The following ZCWPW2 variants were observed in gnomAD, a reference collection of about 807,000 sequenced individuals.
ZCWPW2 encodes the protein zinc finger CW-type PWWP domain protein 2.
A neutral mutation model predicts 46.6 loss-of-function variants in ZCWPW2; 45 were observed. That is an observed-to-expected ratio of 0.96 (90% confidence interval 0.76 to 1.24). ZCWPW2 has a LOEUF of 1.24. ZCWPW2 is among the 50% of genes most tolerant of loss of function. ZCWPW2 has a pLI of 0.00. For synonymous variants in ZCWPW2, 152 were observed against 137.1 expected (o/e 1.11, Z -0.76); for missense variants, 429 against 403.9 (o/e 1.06, Z -0.53).
chr3:28,508,808 G>A (rs376068981), intron 6 of ZCWPW2, among the ~76,000 whole-genome samples: 12 of 152,156 alleles, frequency 7.9e-5, no homozygotes, highest in South Asian at 2.1e-4. Context: ...GATTACAGGC[G>A]TGAGCCACTA....
At chr3:28,506,253 G>A (rs1382496300) in intron 6 of ZCWPW2, among the ~76,000 whole-genome samples, 2 of 151,820 alleles carry the variant, frequency 1.3e-5, no homozygotes, top group East Asian at 1.9e-4. Context: ...GTGTGGATAG[G>A]TGGAAAGCAT....
At chr3:28,480,975 C>T (rs1699409341) in intron 5 of ZCWPW2, among the ~76,000 whole-genome samples, 1 of 150,408 alleles carries the variant, frequency 6.6e-6, no homozygotes, top group Admixed American at 6.6e-5. Flanking sequence ...AAACAATTCT[C>T]CTGTCTCAGC....
intron 1 of ZCWPW2, among the ~76,000 whole-genome samples, chr3:28,366,935 G>A (rs1264481158): frequency 1.3e-5 from 2 of 152,164 alleles, no homozygotes; most frequent in South Asian, 2.1e-4. Context: ...TTGTGTAGAG[G>A]TGTTTATAGT....
intron 1 of ZCWPW2, among the ~76,000 whole-genome samples, chr3:28,388,413 C>T (rs1457275262): frequency 2.6e-5 from 4 of 152,102 alleles, no homozygotes; most frequent in Non-Finnish European, 4.4e-5. Flanking sequence ...CGTACTTTTG[C>T]CTAATATGAT....
chr3:28,480,864 CTTTTT>C (rs56891846), intron 5 of ZCWPW2, among the ~76,000 whole-genome samples: 8 of 122,006 alleles, frequency 6.6e-5, no homozygotes, highest in Non-Finnish European at 5.0e-5. Context: ...CATTTTTTTT[CTTTTT>C]TTTTTTTTTT....
In ZCWPW2 at chr3:28,413,173, T is replaced by A. The variant is rs753659288; in HGVS notation, c.105T>A (p.Asn35Lys). 6.2e-7 allele frequency: 1 copy of A among 1,613,280 alleles called. No individual in the cohort carries two copies. The highest frequency in any genetic ancestry group is 8.5e-7 in the Non-Finnish European group (1 of 1,179,548). ...ACAAAGTGTGGGTTCAATGTGAGAA[T>A]GAAAATTGTTTGAAATGGAGATTGT... is the stretch of plus-strand genomic sequence containing the variant. ...YVNKVWVQCE[N>K]ENCLKWRLLS... Residue 35 changes from asparagine (N) to lysine (K), a missense_variant, in exon 3 of 10, where the codon AAT becomes AAA. Asn to Lys is a moderately conservative substitution (Grantham distance 94). Transcript: ENST00000383768.
chr3:28,385,930 GC>G (rs1452397598), intron 1 of ZCWPW2, among the ~76,000 whole-genome samples: 2 of 149,664 alleles, frequency 1.3e-5, no homozygotes, highest in Non-Finnish European at 3.0e-5. Context: ...TGGCTTTTAA[GC>G]TTTTTTTTTT....
intron 2 of ZCWPW2, among the ~76,000 whole-genome samples, chr3:28,410,417 T>C (rs1375654349): frequency 1.9e-5 from 2 of 104,504 alleles, no homozygotes; most frequent in African/African-American, 3.8e-5. Flanking sequence ...TTGAAAAATA[T>C]GCATCATTTT....
At chr3:28,487,305 T>A (rs191124831) in intron 5 of ZCWPW2, among the ~76,000 whole-genome samples, 4 of 152,252 alleles carry the variant, frequency 2.6e-5, no homozygotes, top group African/African-American at 9.6e-5. Context: ...TTCAGTCTTT[T>A]CTCTTTTTCA....
intron 5 of ZCWPW2, 95 bp from the exon 6 acceptor site, chr3:28,492,032 T>A: frequency 8.0e-7 from 1 of 1,243,412 alleles, no homozygotes; most frequent in Non-Finnish European, 1.1e-6. Context: ...ACAATAGTAA[T>A]GAGAAAGTAG....
chr3:28,444,704 C>T (rs1051421619), intron 4 of ZCWPW2, among the ~76,000 whole-genome samples: 44 of 152,200 alleles, frequency 2.9e-4, no homozygotes, highest in African/African-American at 1.0e-3. Flanking sequence ...TTAGGGCAAT[C>T]TTAGCAGATT....
intron 1 of ZCWPW2, among the ~76,000 whole-genome samples, chr3:28,349,855 T>C (rs1559468310): frequency 2.0e-5 from 3 of 152,230 alleles, no homozygotes; most frequent in Non-Finnish European, 2.9e-5. Context: ...TCAGCCCAAC[T>C]GTCAGCCCAA....
Position 28,478,888 on chromosome 3 carries a change from T to C in ZCWPW2, c.567T>C (p.Ser189=), listed in dbSNP as rs755609170. ...AAGCATGTCTACTCTATGGATATTC[T>C]CATGAGCAAAGACTGGAAATGTGCT... ...LQEACLLYGY[S]HEQRLEMCCL... is the part of the protein sequence containing the mutation. Residue 189 remains serine (S), a synonymous_variant, in exon 5 of 10, where the codon TCT becomes TCC. Transcript: ENST00000383768. 1 of 1,588,396 alleles carries C rather than the reference T, an allele frequency of 6.3e-7. No individual in the cohort carries two copies.
intron 3 of ZCWPW2, among the ~76,000 whole-genome samples, chr3:28,423,552 G>C (rs920596841): frequency 2.0e-5 from 3 of 151,592 alleles, no homozygotes; most frequent in African/African-American, 4.9e-5. Flanking sequence ...ATTTTTAGTA[G>C]AGATGGGGTT....
At chr3:28,492,227 C>G in intron 6 of ZCWPW2, 54 bp downstream of exon 6, 3 of 1,428,144 alleles carry the variant, frequency 2.1e-6, no homozygotes, top group South Asian at 2.8e-5. Flanking sequence ...TCATTTAACA[C>G]TATTCTTTAA....
At chr3:28,395,608 C>A (rs1695662670) in intron 2 of ZCWPW2, among the ~76,000 whole-genome samples, 1 of 152,064 alleles carries the variant, frequency 6.6e-6, no homozygotes, top group African/African-American at 2.4e-5. Context: ...ATTATGACAG[C>A]TGAGTAAGCC....
At chr3:28,355,512 A>G (rs920982415) in intron 1 of ZCWPW2, among the ~76,000 whole-genome samples, 1 of 152,268 alleles carries the variant, frequency 6.6e-6, no homozygotes, top group African/African-American at 2.4e-5. Context: ...TAAAGTTCAT[A>G]TGGAACCAAG....
intron 4 of ZCWPW2, among the ~76,000 whole-genome samples, chr3:28,438,290 A>G (rs938285343): frequency 6.6e-6 from 1 of 152,094 alleles, no homozygotes; most frequent in Non-Finnish European, 1.5e-5. Flanking sequence ...CTTCCAGGAG[A>G]TTGAAAGGGC....
chr3:28,420,009 G>T (rs1256905449), intron 3 of ZCWPW2, among the ~76,000 whole-genome samples: 1 of 148,776 alleles, frequency 6.7e-6, no homozygotes, highest in African/African-American at 2.5e-5. Flanking sequence ...CACCATCATG[G>T]CACGTGTATA....
Sources: gnomAD v4.1 joint callset for allele counts (sites outside exome capture counted in the v4.1 genomes callset) on GRCh38, gnomAD v4.1.1 for gene constraint, MANE v1.5 for transcripts, NCBI Gene and HGNC (gene_info 2026-07-23, HGNC 2026-07-21) for gene names.